Variants in WDFY3 observed in about 807,000 individuals in gnomAD.
The protein encoded by WDFY3 is WD repeat and FYVE domain-containing protein 3.
WDFY3 carries 66 observed loss-of-function variants against 409.6 expected under a neutral mutation model. The observed-to-expected ratio is 0.16, with a 90% CI of 0.13 to 0.20. The LOEUF (loss-of-function observed/expected upper bound fraction) is 0.20, where lower values mean the gene tolerates loss of function less well. Ranked by LOEUF, WDFY3 falls within the 10% of genes least tolerant of loss-of-function variation. WDFY3 has a pLI of 1.00. For synonymous variants in WDFY3, 1,521 were observed against 1,537.1 expected (o/e 0.99, Z 0.25); for missense variants, 3,031 against 4,298.1 (o/e 0.71, Z 8.24).
At chr4:84,936,430 A>G (rs1457700423) in intron 1 of WDFY3, among the ~76,000 whole-genome samples, 1 of 152,100 alleles carries the variant, frequency 6.6e-6, no homozygotes, top group East Asian at 1.9e-4. Context: ...CTGAGGCAGG[A>G]GGATCACTTA....
chr4:84,841,051 A>G, intron 6 of WDFY3, 103 bp downstream of exon 6: 2 of 881,284 alleles, frequency 2.3e-6, no homozygotes, highest in Non-Finnish European at 3.4e-6. Context: ...AATGATTATC[A>G]TAGTATCTCA....
chr4:84,731,842 G>C (rs1301440722), intron 44 of WDFY3, among the ~76,000 whole-genome samples: 1 of 152,164 alleles, frequency 6.6e-6, no homozygotes, highest in Non-Finnish European at 1.5e-5. Context: ...AAATGCCTCA[G>C]TTAAATCTAA....
At chr4:84,865,969 C>A (rs758148897) in intron 3 of WDFY3, among the ~76,000 whole-genome samples, 1 of 152,030 alleles carries the variant, frequency 6.6e-6, no homozygotes, top group Admixed American at 6.5e-5. Flanking sequence ...ACTAGGGAGG[C>A]TGAGATGAGG....
In WDFY3 at chr4:84,755,219, T is replaced by TA. The variant is rs1373619919; in HGVS notation, c.5559+46dup. 6 of 1,589,652 alleles carry TA rather than the reference T, an allele frequency of 3.8e-6. No homozygotes were observed. The African/African-American group carries it at 6.9e-5, about 18-fold the overall frequency. On this transcript the variant is annotated intron_variant, in intron 34 of 67. Transcript: ENST00000295888. ...TTCCTCTATTTACAAAAAAGTATCC[T>TA]AGGCAGGAGGAATTCTCAATAGGCC...
At chr4:84,925,430 A>G (rs1401436132) in intron 2 of WDFY3, among the ~76,000 whole-genome samples, 1 of 152,182 alleles carries the variant, frequency 6.6e-6, no homozygotes, top group East Asian at 1.9e-4. Context: ...GATTTTTACA[A>G]GAAAGTTGGT....
In WDFY3 at chr4:84,677,343, G is replaced by C. The variant is rs781067446; in HGVS notation, c.10313C>G (p.Ser3438Cys). ...AGAACGGCCTGGCTGGTCACTCACA[G>C]ACCAGCTGAAAACTCGGCCTCGACT... ...GDSRGRVFSW[S>C]VSDQPGRSAA... The change falls in exon 67 of 68, where the codon TCT (serine) becomes TGT (cysteine). Residue 3438 changes from serine to cysteine, a missense_variant. Transcript: ENST00000295888. 87 of 1,614,002 alleles carry C rather than the reference G, an allele frequency of 5.4e-5. No individual in the cohort carries two copies. The highest frequency in any genetic ancestry group is 6.9e-5 in the Non-Finnish European group (82 of 1,180,018).
chr4:84,690,766 G>C, intron 60 of WDFY3, 102 bp from the exon 61 acceptor site: 1 of 1,346,518 alleles, frequency 7.4e-7, no homozygotes, highest in Non-Finnish European at 9.9e-7. Flanking sequence ...CACCTCACCA[G>C]CAAATAGCGG....
intron 6 of WDFY3, among the ~76,000 whole-genome samples, chr4:84,838,572 G>A (rs1435329793): frequency 2.0e-5 from 3 of 152,154 alleles, no homozygotes; most frequent in Admixed American, 2.0e-4. Context: ...AACCACATGA[G>A]AGATGGGGCC....
intron 24 of WDFY3, among the ~76,000 whole-genome samples, chr4:84,784,885 TATATATACACAC>T (rs1409742326): frequency 7.5e-4 from 72 of 96,072 alleles, no homozygotes; most frequent in South Asian, 1.5e-3. Context: ...TATATATATA[TATATATACACAC>T]ACACACACAC....
At chr4:84,886,026 G>A (rs1216898884) in intron 3 of WDFY3, among the ~76,000 whole-genome samples, 2 of 152,070 alleles carry the variant, frequency 1.3e-5, no homozygotes, top group South Asian at 4.1e-4. Flanking sequence ...AGTTGGACAC[G>A]TCTTAGAAAC....
chr4:84,708,254 T>C (rs10022652), intron 53 of WDFY3, among the ~76,000 whole-genome samples: 277 of 152,354 alleles, frequency 1.8e-3, no homozygotes, highest in Middle Eastern at 0.01. Context: ...ATTTCTTTTA[T>C]ATGGCAGGAA....
chr4:84,905,760 C>G (rs1376861373), intron 2 of WDFY3, among the ~76,000 whole-genome samples: 1 of 152,132 alleles, frequency 6.6e-6, no homozygotes, highest in African/African-American at 2.4e-5. Context: ...TGATCCCTTT[C>G]TACCTTTCAA....
At chr4:84,868,138 C>T (rs538540694) in intron 3 of WDFY3, among the ~76,000 whole-genome samples, 1 of 122,536 alleles carries the variant, frequency 8.2e-6, no homozygotes, top group African/African-American at 3.2e-5. Flanking sequence ...TGCCACTGCA[C>T]TCCAGCCTGG....
chr4:84,725,143 A>T (rs1332412228), intron 45 of WDFY3, among the ~76,000 whole-genome samples: 2 of 152,292 alleles, frequency 1.3e-5, no homozygotes, highest in East Asian at 1.9e-4. Context: ...TCTTCTTCAG[A>T]TCCTTCTGAG....
chr4:84,853,381 C>T (rs905880872), intron 4 of WDFY3, among the ~76,000 whole-genome samples: 6 of 150,322 alleles, frequency 4.0e-5, no homozygotes, highest in Non-Finnish European at 7.4e-5. Flanking sequence ...ACCATGTTGG[C>T]CAGGCTGGTC....
chr4:84,920,949 T>C (rs1257888062), intron 2 of WDFY3, among the ~76,000 whole-genome samples: 10 of 152,146 alleles, frequency 6.6e-5, no homozygotes, highest in Non-Finnish European at 1.5e-4. Flanking sequence ...GTCTTGGCCC[T>C]AAATCATTCT....
At chr4:84,724,654 T>A in intron 45 of WDFY3, 60 bp from the exon 46 acceptor site, 1 of 1,565,336 alleles carries the variant, frequency 6.4e-7, no homozygotes, top group Non-Finnish European at 8.6e-7. Context: ...AAACGTAATA[T>A]TCTTGAGGGA....
intron 53 of WDFY3, among the ~76,000 whole-genome samples, 167 bp downstream of exon 53, chr4:84,708,742 T>C (rs1397515344): frequency 6.6e-6 from 1 of 152,152 alleles, no homozygotes; most frequent in Non-Finnish European, 1.5e-5. Flanking sequence ...GGTTTCGCCC[T>C]GTTTCTCTGG....
chr4:84,766,666 G>A (rs1001825148), intron 30 of WDFY3, among the ~76,000 whole-genome samples: 3 of 152,092 alleles, frequency 2.0e-5, no homozygotes, highest in African/African-American at 7.2e-5. Flanking sequence ...ATCAAATGAG[G>A]ACCATGTGAA....
Sources: gnomAD v4.1 joint callset for allele counts (sites outside exome capture counted in the v4.1 genomes callset) on GRCh38, gnomAD v4.1.1 for gene constraint, MANE v1.5 for transcripts, NCBI Gene and HGNC (gene_info 2026-07-23, HGNC 2026-07-21) for gene names.